FANCD2OS: variants seen among roughly 807,000 people sequenced by gnomAD.
The protein encoded by FANCD2OS is FANCD2 opposite strand.
FANCD2OS carries 11 observed loss-of-function variants against 13.2 expected under a neutral mutation model. That is an observed-to-expected ratio of 0.83 (90% CI 0.52 to 1.38). FANCD2OS has a LOEUF of 1.38. Ranked by LOEUF, FANCD2OS falls within the 40% of genes most tolerant of loss-of-function variation. The probability of loss-of-function intolerance (pLI) is 0.00; values close to 1 mark genes in which losing one functional copy is unlikely to be tolerated. For synonymous variants in FANCD2OS, 69 were observed against 84.5 expected (o/e 0.82, Z 1.01); for missense variants, 217 against 213.9 (o/e 1.01, Z -0.09).
chr3:10,086,512 G>A (rs905873548), intron 2 of FANCD2OS, among the ~76,000 whole-genome samples: 13 of 151,390 alleles, frequency 8.6e-5, no homozygotes, highest in Admixed American at 1.3e-4. Flanking sequence ...TTTTCTTTGA[G>A]AGAGAGTCTC....
chr3:10,090,125 G>A (rs1330141624), intron 2 of FANCD2OS, among the ~76,000 whole-genome samples: 47 of 152,044 alleles, frequency 3.1e-4, no homozygotes, highest in Admixed American at 3.1e-3. Flanking sequence ...CAATCTTCTT[G>A]GGCTTATTAC....
chr3:10,099,415 G>A (rs1345345918), downstream of FANCD2OS: 2 of 897,334 alleles, frequency 2.2e-6, no homozygotes, highest in African/African-American at 3.6e-5. Flanking sequence ...TTGAGTCCGG[G>A]AGCTCAAGGC....
At chr3:10,093,916 T>C (rs555897211) in intron 2 of FANCD2OS, among the ~76,000 whole-genome samples, 1 of 152,322 alleles carries the variant, frequency 6.6e-6, no homozygotes, top group Non-Finnish European at 1.5e-5. Flanking sequence ...GAGTCATTTA[T>C]CTGATTGGGA....
chr3:10,101,457 C>T (rs1695296799), downstream of FANCD2OS: 2 of 537,088 alleles, frequency 3.7e-6, no homozygotes, highest in Non-Finnish European at 6.6e-6. Flanking sequence ...GCAATCTTGG[C>T]TCACTGCAAC....
At chr3:10,103,069 C>T, downstream of FANCD2OS, 1 of 443,378 alleles carries the variant, frequency 2.3e-6, no homozygotes, top group Non-Finnish European at 4.5e-6. Flanking sequence ...CCAGCTTGGG[C>T]AATGTGGTGA....
chr3:10,093,791 G>T (rs547890112), intron 2 of FANCD2OS, among the ~76,000 whole-genome samples: 59 of 152,228 alleles, frequency 3.9e-4, no homozygotes, highest in African/African-American at 1.2e-3. Flanking sequence ...ATGCTACTTC[G>T]CCACTCCTCA....
chr3:10,083,397 G>A (rs1693965532), intron 2 of FANCD2OS: 1 of 152,234 alleles, frequency 6.6e-6, no homozygotes, highest in South Asian at 2.1e-4. Flanking sequence ...CACTAGCATA[G>A]CTACATCAAA....
At chr3:10,088,899 TG>T in intron 2 of FANCD2OS, 1 of 1,614,006 alleles carries the variant, frequency 6.2e-7, no homozygotes, top group South Asian at 1.1e-5. Context: ...GTCCCAGAAC[TG>T]ATCAACTCTC....
chr3:10,091,012 C>A (rs1243914948), intron 2 of FANCD2OS, among the ~76,000 whole-genome samples: 4 of 151,824 alleles, frequency 2.6e-5, no homozygotes. Flanking sequence ...CTAACCAGAA[C>A]GGAGCTAGAC....
chr3:10,100,525 C>G (rs1695239708), downstream of FANCD2OS, among the ~76,000 whole-genome samples: 1 of 152,164 alleles, frequency 6.6e-6, no homozygotes, highest in Admixed American at 6.5e-5. Context: ...GTGCCTGCAA[C>G]CATGCCCGGC....
intron 2 of FANCD2OS, chr3:10,088,464 A>G: frequency 1.2e-6 from 2 of 1,609,062 alleles, no homozygotes; most frequent in Non-Finnish European, 8.5e-7. Flanking sequence ...CTTGCCAGAC[A>G]ATTCCTCTGT....
chr3:10,087,807 C>T lies in FANCD2OS; in HGVS notation c.*44-6276G>A, dbSNP rs181226647. Among the ~76,000 whole-genome samples the T allele has an allele frequency of 1.7e-4, 26 of 152,234 alleles. No individual in the cohort carries two copies. In the East Asian group the frequency reaches 5.0e-3, roughly 29 times the overall value. On this transcript the variant is annotated intron_variant, in intron 2 of 2. Transcript: ENST00000524279. ...GGGATTACAGGTGCGCACCACCGTG[C>T]CCAGCCAATTTTTGTATTTTTAGTG...
intron 2 of FANCD2OS, among the ~76,000 whole-genome samples, chr3:10,092,583 G>T (rs1309493477): frequency 4.0e-5 from 6 of 149,954 alleles, no homozygotes; most frequent in Admixed American, 3.3e-4. Flanking sequence ...GAATGCCCTC[G>T]TTCTCCTTTA....
chr3:10,106,747 C>T (rs1164482023), intron 1 of FANCD2OS, among the ~76,000 whole-genome samples: 1 of 152,180 alleles, frequency 6.6e-6, no homozygotes, highest in Non-Finnish European at 1.5e-5. Context: ...AACCCCGTCT[C>T]TACTAAAAAT....
chr3:10,082,935 A>C (rs966678621), intron 2 of FANCD2OS, among the ~76,000 whole-genome samples: 1 of 152,186 alleles, frequency 6.6e-6, no homozygotes, highest in Non-Finnish European at 1.5e-5. Flanking sequence ...GCAAATAAAC[A>C]TGTGAAAGGG....
Position 10,081,440 on chromosome 3 carries a change from A to G in FANCD2OS, c.*135T>C, listed in dbSNP as rs771059153. The G allele has an allele frequency of 1.2e-6, 2 of 1,613,778 alleles. No homozygotes were observed. The highest frequency in any genetic ancestry group is 1.3e-5 in the African/African-American group (1 of 75,068). ...TCTTCCTGCTATCAGAGGCTGCTGC[A>G]GATTTTTCATGGGCTTTTTGCTTGG... On this transcript the variant is annotated 3_prime_UTR_variant, in exon 3 of 3. Transcript: ENST00000524279.
intron 2 of FANCD2OS, chr3:10,089,102 T>G: frequency 1.2e-6 from 1 of 826,744 alleles, no homozygotes; most frequent in Non-Finnish European, 2.0e-6. Flanking sequence ...TTGGCCAACA[T>G]AGTGAAACCC....
intron 2 of FANCD2OS, among the ~76,000 whole-genome samples, chr3:10,084,008 G>A (rs910927829): frequency 2.0e-5 from 3 of 151,216 alleles, no homozygotes; most frequent in African/African-American, 7.3e-5. Flanking sequence ...TTGTGTGTGT[G>A]TGAGAGACAG....
rs138029341 is a variant in FANCD2OS, at chr3:10,104,554, C to A, written c.221G>T (p.Cys74Phe). The A allele has an allele frequency of 1.1e-5, 17 of 1,614,072 alleles. No homozygotes were observed. The African/African-American group carries it at 2.1e-4, about 20-fold the overall frequency. The change falls in exon 2 of 2, where the codon TGC becomes TTC. Residue 74 changes from cysteine (C) to phenylalanine (F), a missense_variant. Transcript: ENST00000450660. ...CATCGTGCGCAACTCTGATGTGTGG[C>A]AGGGTAACTTGGGACTCACTCCAGA... Reference protein sequence around the residue: ...LESGVSPKLPCHTSELRTMNN... With the variant: ...LESGVSPKLPFHTSELRTMNN...
Sources: allele counts gnomAD v4.1 joint callset (sites outside exome capture counted in the v4.1 genomes callset), GRCh38; gene constraint gnomAD v4.1.1; transcripts MANE v1.5; gene names NCBI Gene and HGNC (gene_info 2026-07-23, HGNC 2026-07-21).